Variants in SLC9A2 observed in about 807,000 individuals in gnomAD.
SLC9A2 encodes solute carrier family 9 member A2.
Under a neutral mutation model 71.7 loss-of-function variants are expected in SLC9A2, and 42 were observed. The ratio of observed to expected loss-of-function variants is 0.59; its 90% confidence interval spans 0.46 to 0.76. SLC9A2 has a LOEUF of 0.76. Among genes scored for constraint, SLC9A2 ranks in the 30% least tolerant of loss-of-function variants. The pLI, the probability that SLC9A2 is intolerant of heterozygous loss-of-function variation, is 0.00. For missense variants in SLC9A2, 829 were observed against 1,017.4 expected (o/e 0.81, Z 2.52); for synonymous variants, 396 against 392.5 (o/e 1.01, Z -0.10).
Position 102,631,244 on chromosome 2 carries a change from G to A in SLC9A2, c.289+11107G>A, listed in dbSNP as rs149619130. ...TTCCCCTGGCTCAAAGCCATAAGGA[G>A]TTGACATATTTCTTTTCCTTCCTTT... On this transcript the variant is annotated intron_variant, in intron 1 of 11. Transcript: ENST00000233969. Among the ~76,000 whole-genome samples, 804 of 151,962 alleles carry A rather than the reference G, an allele frequency of 5.3e-3. 6 individuals are homozygous for A. The highest frequency in any genetic ancestry group is 0.018 in the African/African-American group (738 of 41,476).
chr2:102,673,732 C>A (rs1677297251), intron 3 of SLC9A2, among the ~76,000 whole-genome samples: 1 of 151,724 alleles, frequency 6.6e-6, no homozygotes, highest in African/African-American at 2.4e-5. Flanking sequence ...AATGTGTAGG[C>A]CAAAATATAA....
intron 10 of SLC9A2, 101 bp from the exon 11 acceptor site, chr2:102,705,745 T>C (rs1430963961): frequency 2.7e-5 from 17 of 629,400 alleles, no homozygotes; most frequent in African/African-American, 3.8e-5. Flanking sequence ...AAATTAAAAT[T>C]CTGATTTTTA....
intron 1 of SLC9A2, among the ~76,000 whole-genome samples, chr2:102,655,405 C>T (rs914452962): frequency 2.0e-5 from 3 of 152,098 alleles, no homozygotes; most frequent in Non-Finnish European, 2.9e-5. Context: ...CCACCTGCCT[C>T]GGCCTCCCAA....
At chr2:102,701,427 G>A (rs1307511570) in intron 8 of SLC9A2, among the ~76,000 whole-genome samples, 196 bp downstream of exon 8, 1 of 152,148 alleles carries the variant, frequency 6.6e-6, no homozygotes, top group Non-Finnish European at 1.5e-5. Flanking sequence ...GGGACATAAA[G>A]GTTAGGTTCC....
chr2:102,688,454 G>A (rs1396941662), intron 5 of SLC9A2, among the ~76,000 whole-genome samples: 4 of 152,170 alleles, frequency 2.6e-5, no homozygotes, highest in Non-Finnish European at 5.9e-5. Context: ...ACGAGGCCAT[G>A]TGCAGTGGCT....
intron 3 of SLC9A2, among the ~76,000 whole-genome samples, chr2:102,665,599 C>T (rs1677119213): frequency 6.6e-6 from 1 of 151,320 alleles, no homozygotes; most frequent in Non-Finnish European, 1.5e-5. Context: ...ATGGTGAAAC[C>T]CCGTCTCTAC....
intron 2 of SLC9A2, among the ~76,000 whole-genome samples, chr2:102,661,081 A>C (rs962931671): frequency 1.3e-5 from 2 of 152,222 alleles, no homozygotes; most frequent in Non-Finnish European, 2.9e-5. Context: ...GATTAGAAGT[A>C]ACTAGAGACA....
chr2:102,658,124 C>A (rs1573411917), intron 2 of SLC9A2, 97 bp downstream of exon 2: 4 of 894,412 alleles, frequency 4.5e-6, no homozygotes, highest in Non-Finnish European at 6.9e-6. Flanking sequence ...CGAGACCCTG[C>A]ACACAGGGTG....
At chr2:102,672,557 A>G (rs1010732751) in intron 3 of SLC9A2, among the ~76,000 whole-genome samples, 1 of 152,230 alleles carries the variant, frequency 6.6e-6, no homozygotes, top group African/African-American at 2.4e-5. Flanking sequence ...GGGGAAGTTT[A>G]GAAAGAAAAT....
At chr2:102,656,245 C>G (rs1676939514) in intron 1 of SLC9A2, among the ~76,000 whole-genome samples, 1 of 152,216 alleles carries the variant, frequency 6.6e-6, no homozygotes. Context: ...CTCCTCTTTC[C>G]CTACAGGCCT....
chr2:102,692,343 A>G (rs4851634), intron 5 of SLC9A2, among the ~76,000 whole-genome samples: 121,937 of 152,148 alleles, frequency 0.8, 48,951 homozygotes, highest in South Asian at 0.84. Context: ...ATGGATGTGT[A>G]TGTGTGTCTC....
At chr2:102,635,192 T>C (rs1558702547) in intron 1 of SLC9A2, among the ~76,000 whole-genome samples, 1 of 152,250 alleles carries the variant, frequency 6.6e-6, no homozygotes, top group African/African-American at 2.4e-5. Context: ...CGGCTGACTG[T>C]ACATTTTCTC....
chr2:102,619,802 C>A lies in SLC9A2; in HGVS notation c.-47C>A. 1 of 1,445,786 alleles carries A rather than the reference C, an allele frequency of 6.9e-7. No individual in the cohort carries two copies. The highest frequency in any genetic ancestry group is 9.1e-7 in the Non-Finnish European group (1 of 1,100,632). The allele number at this position is 1,445,786 out of a possible 1,614,324, so 89.6% of individuals were successfully genotyped here. Reference sequence around the variant, plus strand: ...CAGCCCGGGCGCGATGCGTTGAGCGCTCGGAGGGCCAACCGCCGGTCCCCT... The same window carrying A: ...CAGCCCGGGCGCGATGCGTTGAGCGATCGGAGGGCCAACCGCCGGTCCCCT... On this transcript the variant is annotated 5_prime_UTR_variant, in exon 1 of 12. Transcript: ENST00000233969. The surrounding 1 kb of genome is among the most constrained non-coding windows in gnomAD (Gnocchi z 4.3).
intron 1 of SLC9A2, among the ~76,000 whole-genome samples, chr2:102,628,601 CTG>C (rs1369327897): frequency 1.3e-5 from 2 of 152,046 alleles, no homozygotes; most frequent in African/African-American, 4.8e-5. Context: ...GGGGTTTCCA[CTG>C]TCACTCAGCT....
Position 102,620,138 on chromosome 2 carries a change from G to A in SLC9A2, c.289+1G>A. ...CTGCTGGCCTCCCTGGCCAAGATTG[G>A]TGAGCGAACTGGACTTGTGGGGAAT... is the stretch of plus-strand genomic sequence containing the variant. On this transcript the variant is annotated splice_donor_variant, in intron 1 of 11. Coordinates refer to ENST00000233969, the MANE Select transcript of SLC9A2 (RefSeq NM_003048.6). LOFTEE classifies it high-confidence loss of function. 6.3e-7 allele frequency: 1 copy of A among 1,599,276 alleles called. No homozygotes were observed. Among genetic ancestry groups the A allele is most frequent in the Non-Finnish European group, 8.6e-7 (1 of 1,169,578 alleles).
intron 3 of SLC9A2, among the ~76,000 whole-genome samples, chr2:102,666,856 T>C (rs1331427724): frequency 6.6e-6 from 1 of 152,232 alleles, no homozygotes; most frequent in Admixed American, 6.5e-5. Context: ...CCATATGCAC[T>C]AGGCTAAATG....
In SLC9A2 at chr2:102,684,291, T is replaced by C. The variant is rs1156659874; in HGVS notation, c.1380T>C (p.Phe460=). The C allele has an allele frequency of 6.8e-6, 11 of 1,614,106 alleles. No individual in the cohort carries two copies. Among genetic ancestry groups the C allele is most frequent in the Middle Eastern group, 1.6e-4 (1 of 6,084 alleles). ...PAAVFPRKKL[F]ITAAIVVIFF... is the part of the protein sequence containing the mutation. ...CTGTGTTTCCTCGGAAAAAATTGTT[T>C]ATTACGGCTGCCATTGTTGTCATAT... The change falls in exon 5 of 12, where the codon TTT becomes TTC. Residue 460 remains phenylalanine, a synonymous_variant. Transcript: ENST00000233969.
At chr2:102,665,558 A>G (rs1677118430) in intron 3 of SLC9A2, among the ~76,000 whole-genome samples, 1 of 152,052 alleles carries the variant, frequency 6.6e-6, no homozygotes, top group Non-Finnish European at 1.5e-5. Context: ...GTGGATCACA[A>G]GGTCAGGAGA....
At chr2:102,633,772 T>C (rs943102220) in intron 1 of SLC9A2, among the ~76,000 whole-genome samples, 2 of 152,216 alleles carry the variant, frequency 1.3e-5, no homozygotes, top group African/African-American at 2.4e-5. Flanking sequence ...TTCTGAGATA[T>C]ATATTTAACA....
Sources: allele counts gnomAD v4.1 joint callset (sites outside exome capture counted in the v4.1 genomes callset), GRCh38; gene constraint gnomAD v4.1.1; non-coding constraint Gnocchi (gnomAD v3.1); transcripts MANE v1.5; gene names NCBI Gene and HGNC (gene_info 2026-07-23, HGNC 2026-07-21).